The following STARD13 variants were observed in gnomAD, a reference collection of about 807,000 sequenced individuals.
STARD13 encodes stAR-related lipid transfer protein 13.
In STARD13, 62 loss-of-function variants were observed where a neutral mutation model predicts 106.4. The observed-to-expected ratio is 0.58, with a 90% CI of 0.48 to 0.72. The LOEUF is 0.72. Among genes scored for constraint, STARD13 ranks in the 30% least tolerant of loss-of-function variants. The probability of loss-of-function intolerance (pLI) is 0.00; values close to 1 mark genes in which losing one functional copy is unlikely to be tolerated. For synonymous variants in STARD13, 565 were observed against 553.0 expected (o/e 1.02, Z -0.31); for missense variants, 1,387 against 1,424.0 (o/e 0.97, Z 0.42).
In STARD13 at chr13:33,199,869, G is replaced by A. The variant is rs559069095; in HGVS notation, c.170-32247C>T. ...AATGTATATATATGGCCAGTCATTG[G>A]CCGGGCCCAGTACCAATGGTCCAGG... On this transcript the variant is annotated intron_variant, in intron 1 of 13. Coordinates refer to ENST00000336934, the MANE Select transcript of STARD13 (RefSeq NM_178006.4). Among the ~76,000 whole-genome samples, 4 of 152,298 alleles carry A rather than the reference G, an allele frequency of 2.6e-5. No individual in the cohort carries two copies. In the South Asian group the frequency reaches 8.3e-4, roughly 32 times the overall value.
chr13:33,392,675 C>T, the STARD13 span, among the ~76,000 whole-genome samples: 3 of 152,208 alleles, frequency 2.0e-5, no homozygotes, highest in Admixed American at 1.3e-4. Context: ...ACTAGGATTA[C>T]AGGTGTGAGC....
At chr13:33,644,157 C>T in the STARD13 span, among the ~76,000 whole-genome samples, 8 of 152,164 alleles carry the variant, frequency 5.3e-5, no homozygotes, top group Non-Finnish European at 7.4e-5. Flanking sequence ...CAAGGCAGTG[C>T]GGGAGAATCG....
the STARD13 span, among the ~76,000 whole-genome samples, chr13:33,664,633 C>T: frequency 3.3e-5 from 5 of 152,098 alleles, no homozygotes; most frequent in Non-Finnish European, 5.9e-5. Flanking sequence ...ACTATTGACT[C>T]TTTTATTTAT....
At chr13:33,460,731 C>CA in the STARD13 span, among the ~76,000 whole-genome samples, 339 of 149,550 alleles carry the variant, frequency 2.3e-3, no homozygotes, top group African/African-American at 6.6e-3. Context: ...AGAATCAACT[C>CA]AAAAAAAACA....
the STARD13 span, among the ~76,000 whole-genome samples, chr13:33,638,217 G>A: frequency 6.6e-6 from 1 of 152,120 alleles, no homozygotes; most frequent in African/African-American, 2.4e-5. Flanking sequence ...ATGTACCCAG[G>A]GTAGTTGGGC....
At chr13:33,345,922 G>T (rs1200120451), downstream of STARD13, among the ~76,000 whole-genome samples, 1 of 152,154 alleles carries the variant, frequency 6.6e-6, no homozygotes, top group Non-Finnish European at 1.5e-5. Context: ...ATGTGCTAAG[G>T]ACAATCTTAA....
the STARD13 span, among the ~76,000 whole-genome samples, chr13:33,504,822 C>T: frequency 1.1e-4 from 17 of 152,122 alleles, no homozygotes; most frequent in Non-Finnish European, 2.4e-4. Flanking sequence ...GGATTATACG[C>T]CTGAGCCACT....
the STARD13 span, among the ~76,000 whole-genome samples, chr13:33,476,108 A>G: frequency 6.6e-6 from 1 of 152,210 alleles, no homozygotes; most frequent in African/African-American, 2.4e-5. Context: ...ATACGGGTAC[A>G]AAGTTTTAAT....
the STARD13 span, among the ~76,000 whole-genome samples, chr13:33,664,172 C>A: frequency 1.3e-5 from 2 of 152,230 alleles, no homozygotes; most frequent in Non-Finnish European, 2.9e-5. Context: ...TGAAGAGACA[C>A]TCATTTCTCA....
the STARD13 span, among the ~76,000 whole-genome samples, chr13:33,405,840 C>G: frequency 2.0e-5 from 3 of 152,152 alleles, no homozygotes; most frequent in Non-Finnish European, 4.4e-5. Context: ...TAGAACAGTT[C>G]AGAGACAAGT....
At chr13:33,535,780 G>A in the STARD13 span, among the ~76,000 whole-genome samples, 2 of 152,278 alleles carry the variant, frequency 1.3e-5, no homozygotes, top group Admixed American at 6.5e-5. Flanking sequence ...AGGGAACTTT[G>A]CCCCCTTATT....
chr13:33,342,585 C>G (rs2077973031), intron 1 of STARD13, among the ~76,000 whole-genome samples: 1 of 151,358 alleles, frequency 6.6e-6, no homozygotes, highest in South Asian at 2.1e-4. Context: ...GGCTGAAGGG[C>G]AGTCGCATGA....
chr13:33,331,526 ATTTTTTT>A (rs35827468), intron 1 of STARD13, among the ~76,000 whole-genome samples: 1 of 130,828 alleles, frequency 7.6e-6, no homozygotes, highest in Non-Finnish European at 1.6e-5. Context: ...CTGATTTTGT[ATTTTTTT>A]TTTTTTTTTT....
At chr13:33,119,438 G>GGTC (rs1875917988) in intron 7 of STARD13, among the ~76,000 whole-genome samples, 1 of 152,238 alleles carries the variant, frequency 6.6e-6, no homozygotes, top group African/African-American at 2.4e-5. Flanking sequence ...GCCTAATACA[G>GGTC]GTCGTCTTAC....
the STARD13 span, among the ~76,000 whole-genome samples, chr13:33,668,245 A>G: frequency 6.6e-6 from 1 of 152,220 alleles, no homozygotes. Context: ...ATTGTTTCAA[A>G]TATCTATTAA....
the STARD13 span, among the ~76,000 whole-genome samples, chr13:33,440,692 C>T: frequency 7.2e-4 from 109 of 151,028 alleles, no homozygotes; most frequent in Non-Finnish European, 1.5e-3. Flanking sequence ...CATGTACTTT[C>T]CATCCATATT....
At chr13:33,336,669 T>C (rs1390763292) in intron 1 of STARD13, 2 of 148,140 alleles carry the variant, frequency 1.4e-5, no homozygotes, top group African/African-American at 5.0e-5. Flanking sequence ...AGTGGGAGGA[T>C]GGCTTGAGCC....
At chr13:33,543,792 T>G in the STARD13 span, among the ~76,000 whole-genome samples, 4 of 152,194 alleles carry the variant, frequency 2.6e-5, no homozygotes, top group Non-Finnish European at 4.4e-5. Context: ...CAGGTGATTC[T>G]GATGCTGTTG....
At chr13:33,147,223 A>T (rs1181908287) in intron 3 of STARD13, among the ~76,000 whole-genome samples, 1 of 152,254 alleles carries the variant, frequency 6.6e-6, no homozygotes, top group South Asian at 2.1e-4. Context: ...TGAGATGTCC[A>T]TAGGGGACTT....
Sources: allele counts gnomAD v4.1 joint callset (sites outside exome capture counted in the v4.1 genomes callset), GRCh38; gene constraint gnomAD v4.1.1; transcripts MANE v1.5; gene names NCBI Gene and HGNC (gene_info 2026-07-23, HGNC 2026-07-21).